The following NUDT16 variants were observed in gnomAD, a reference collection of about 807,000 sequenced individuals.
NUDT16 encodes U8 snoRNA-decapping enzyme.
In NUDT16, 12 loss-of-function variants were observed where a neutral mutation model predicts 11.7. The ratio of observed to expected loss-of-function variants is 1.03; its 90% CI spans 0.66 to 1.67. The LOEUF is 1.67. NUDT16 is among the 40% of genes most tolerant of loss of function. The pLI, the probability that NUDT16 is intolerant of heterozygous loss-of-function variation, is 0.00. For synonymous variants in NUDT16, 129 were observed against 122.6 expected, an observed-to-expected ratio of 1.05 and a Z score of -0.35; for missense variants, 303 against 268.9, an observed-to-expected ratio of 1.13 and a Z score of -0.89.
At position 131,384,333 on chromosome 3, in the gene NUDT16, G is replaced by C. The variant is rs757008213; in HGVS notation, c.*992G>C. On this transcript the variant is annotated 3_prime_UTR_variant, in exon 3 of 3. Coordinates refer to ENST00000521288, the MANE Select transcript of NUDT16 (RefSeq NM_152395.3). ...TGTCCATTGAATTCAGTAACATGAA[G>C]TGTTTGATGACTATGATGGCAGCAG... is the stretch of plus-strand genomic sequence containing the variant. The C allele has an allele frequency of 2.0e-5, 3 of 152,338 alleles. No individual in the cohort carries two copies. The highest frequency in any genetic ancestry group is 4.4e-5 in the Non-Finnish European group (3 of 68,140). The allele number at this position is 152,338 out of a possible 1,614,324, so 9.4% of individuals were successfully genotyped here. A position where few individuals can be genotyped will look rare whatever the true frequency, so the allele number is the denominator to read the frequency against.
rs570306395 is a variant in NUDT16 at position 131,387,352 on chromosome 3, C to A, written c.*4011C>A. ...GGTAGAGGTAGTCTACAGGGGCCAG[C>A]TGGGCAGAGATGAAATCTTGCAAAG... On this transcript the variant is annotated 3_prime_UTR_variant, in exon 3 of 3. Coordinates refer to ENST00000521288, the MANE Select transcript of NUDT16 (RefSeq NM_152395.3). 1 of 152,224 alleles carries A rather than the reference C, an allele frequency of 6.6e-6. No individual in the cohort carries two copies. The highest frequency in any genetic ancestry group is 2.4e-5 in the African/African-American group (1 of 41,430). 9.4% of individuals were successfully genotyped at this position (152,224 alleles called of 1,614,324 possible).
chr3:131,387,250 C>T lies in NUDT16; in HGVS notation c.*3909C>T. 6.6e-6 allele frequency: 1 copy of T among 152,474 alleles called. No homozygotes were observed. The highest frequency in any genetic ancestry group is 1.5e-5 in the Non-Finnish European group (1 of 68,180). The allele number at this position is 152,474 out of a possible 1,614,324, so 9.4% of individuals were successfully genotyped here. On this transcript the variant is annotated 3_prime_UTR_variant, in exon 3 of 3. Transcript: ENST00000521288. ...AAAGAGAAACCATGTGCCTTCTCCC[C>T]ACTTCCCTTCTGGCTTGGGCAAATG...
rs1232963147 is a variant in NUDT16 at position 131,383,205 on chromosome 3, G to C, written c.452G>C (p.Gly151Ala). The change falls in exon 3 of 3, where the codon GGT becomes GCT. Residue 151 changes from glycine (G) to alanine (A), a missense_variant. Transcript: ENST00000521288. This position sits in a 1 kb window ranked among gnomAD's most constrained non-coding sequence, Gnocchi z 4.4. ...GTGCCCCTGTATACCCTGCGGGATG[G>C]TGTAGGAGGCCTGCCTACCTTCCTG... ...VRVPLYTLRD[G>A]VGGLPTFLEN... 3 of 1,613,606 alleles carry C rather than the reference G, an allele frequency of 1.9e-6. No individual in the cohort carries two copies. The South Asian group carries it at 3.3e-5, about 18-fold the overall frequency.
chr3:131,383,599 C>A lies in NUDT16; in HGVS notation c.*258C>A. 1.5e-6 allele frequency: 1 copy of A among 649,958 alleles called. No individual in the cohort carries two copies. Among genetic ancestry groups the A allele is most frequent in the Non-Finnish European group, 2.6e-6 (1 of 382,426 alleles). 40.3% of individuals were successfully genotyped at this position (649,958 alleles called of 1,614,324 possible). ...CTCCTCCCTGTTTATATGCGTACAG[C>A]CTGGTAACCCCCAGGCATGCAAATA... On this transcript the variant is annotated 3_prime_UTR_variant, in exon 3 of 3. Transcript: ENST00000521288. The surrounding 1 kb of genome is among the most constrained non-coding windows in gnomAD (Gnocchi z 4.4).
chr3:131,382,332 AC>A lies in NUDT16; in HGVS notation c.408+18del, dbSNP rs1197982320. On this transcript the variant is annotated intron_variant, in intron 2 of 2. Coordinates refer to ENST00000521288, the MANE Select transcript of NUDT16 (RefSeq NM_152395.3). ...GGGCTGGAGGTGGGACCAGCCTGGG[AC>A]TCTGTCCCTTTCCCAATTTCCTCTT... 14 of 1,612,318 alleles carry A rather than the reference AC, an allele frequency of 8.7e-6. No individual in the cohort carries two copies. The highest frequency in any genetic ancestry group is 1.0e-5 in the Non-Finnish European group (12 of 1,179,952).
At chr3:131,382,781 A>T in intron 2 of NUDT16, 11 of 1,149,228 alleles carry the variant, frequency 9.6e-6, no homozygotes, top group Middle Eastern at 3.0e-4. Context: ...TTCTCTCAGC[A>T]TTCCTGCATT....
Position 131,381,817 on chromosome 3 carries a change from C to G in NUDT16, c.13C>G (p.Arg5Gly), listed in dbSNP as rs576393185. Reference sequence around the variant, plus strand: ...GCAGTGTCCGGCCATGGCCGGAGCCCGCAGGCTGGAGCTAGGCGAGGCCCT... The same window carrying G: ...GCAGTGTCCGGCCATGGCCGGAGCCGGCAGGCTGGAGCTAGGCGAGGCCCT... MAGA[R>G]RLELGEALAL... Residue 5 changes from arginine (R) to glycine (G), a missense_variant, in exon 1 of 3, where the codon CGC becomes GGC. Transcript: ENST00000521288. The G allele has an allele frequency of 3.2e-6, 5 of 1,565,990 alleles. No homozygotes were observed. Among genetic ancestry groups the G allele is most frequent in the Middle Eastern group, 2.3e-4 (1 of 4,436 alleles).
Position 131,387,362 on chromosome 3 carries a change from A to G in NUDT16, c.*4021A>G, listed in dbSNP as rs2097460540. The G allele has an allele frequency of 6.6e-6, 1 of 152,234 alleles. No homozygotes were observed. The highest frequency in any genetic ancestry group is 2.1e-4 in the South Asian group (1 of 4,832). The allele number at this position is 152,234 out of a possible 1,614,324, so 9.4% of individuals were successfully genotyped here. Reference sequence around the variant, plus strand: ...GTCTACAGGGGCCAGCTGGGCAGAGATGAAATCTTGCAAAGGAACCCTTCT... The same window carrying G: ...GTCTACAGGGGCCAGCTGGGCAGAGGTGAAATCTTGCAAAGGAACCCTTCT... On this transcript the variant is annotated 3_prime_UTR_variant, in exon 3 of 3. Transcript: ENST00000521288.
chr3:131,385,152 G>A lies in NUDT16; in HGVS notation c.*1811G>A, dbSNP rs1559773938. The A allele has an allele frequency of 6.6e-6, 1 of 152,266 alleles. No homozygotes were observed. Among genetic ancestry groups the A allele is most frequent in the Non-Finnish European group, 1.5e-5 (1 of 68,108 alleles). 9.4% of individuals were successfully genotyped at this position (152,266 alleles called of 1,614,324 possible). Reference sequence around the variant, plus strand: ...ATTGAAAACAGGAGGTGACTAGGGAGGGATTAGGAAATTAGAGGTCTTGAC... The same window carrying A: ...ATTGAAAACAGGAGGTGACTAGGGAAGGATTAGGAAATTAGAGGTCTTGAC... On this transcript the variant is annotated 3_prime_UTR_variant, in exon 3 of 3. Coordinates refer to ENST00000521288, the MANE Select transcript of NUDT16 (RefSeq NM_152395.3).
chr3:131,382,315 G>A lies in NUDT16; in HGVS notation c.408G>A (p.Glu136=). Reference sequence around the variant, plus strand: ...CACGCGCCAAGGACCACGGGCTGGAGGTGGGACCAGCCTGGGACTCTGTCC... The same window carrying A: ...CACGCGCCAAGGACCACGGGCTGGAAGTGGGACCAGCCTGGGACTCTGTCC... ...GATRAKDHGL[E]VLGLVRVPLY... is the part of the protein sequence containing the mutation. The change falls in exon 2 of 3, where the codon GAG becomes GAA. Residue 136 remains glutamate (E), a splice_region_variant and synonymous_variant. Transcript: ENST00000521288. 1 of 1,612,898 alleles carries A rather than the reference G, an allele frequency of 6.2e-7. No individual in the cohort carries two copies. Among genetic ancestry groups the A allele is most frequent in the Non-Finnish European group, 8.5e-7 (1 of 1,180,022 alleles).
chr3:131,388,293 T>C lies in NUDT16; in HGVS notation c.*4952T>C, dbSNP rs1296162591. On this transcript the variant is annotated 3_prime_UTR_variant, in exon 3 of 3. Coordinates refer to ENST00000521288, the MANE Select transcript of NUDT16 (RefSeq NM_152395.3). ...GAGATCAGACAATGAGAATCCAGAG[T>C]CTTGTTAAGTGATAGAAGGAAAATA... 1.3e-5 allele frequency: 2 copies of C among 151,808 alleles called. No homozygotes were observed. Among genetic ancestry groups the C allele is most frequent in the Non-Finnish European group, 2.9e-5 (2 of 67,968 alleles). The allele number at this position is 151,808 out of a possible 1,614,324, so 9.4% of individuals were successfully genotyped here. A position where few individuals can be genotyped will look rare whatever the true frequency, so the allele number is the denominator to read the frequency against.
In NUDT16 at chr3:131,386,425, C is replaced by T. The variant is rs1293506485; in HGVS notation, c.*3084C>T. The T allele has an allele frequency of 6.6e-6, 1 of 152,240 alleles. No homozygotes were observed. The highest frequency in any genetic ancestry group is 1.5e-5 in the Non-Finnish European group (1 of 68,066). 9.4% of individuals were successfully genotyped at this position (152,240 alleles called of 1,614,324 possible). A position where few individuals can be genotyped will look rare whatever the true frequency, so the allele number is the denominator to read the frequency against. The stretch of plus-strand genomic sequence containing the variant: ...AGAAATGCTCATTGCAATCTTTGAC[C>T]CCCACTAACTGCTGTGGTGACTTTG... On this transcript the variant is annotated 3_prime_UTR_variant, in exon 3 of 3. Transcript: ENST00000521288.
Position 131,382,067 on chromosome 3 carries a change from C to G in NUDT16, c.160C>G (p.Arg54Gly). 1.3e-6 allele frequency: 2 copies of G among 1,586,434 alleles called. No individual in the cohort carries two copies. The highest frequency in any genetic ancestry group is 1.7e-6 in the Non-Finnish European group (2 of 1,164,798). Residue 54 changes from arginine (R) to glycine (G), a missense_variant, in exon 2 of 3, where the codon CGC (arginine) becomes GGC (glycine). Coordinates refer to ENST00000521288, the MANE Select transcript of NUDT16 (RefSeq NM_152395.3). ...GCAGATGCAGATGCGCTTCGATGGA[C>G]GCCTGGGCTTCCCCGGCGGATTCGT... Reference protein sequence around the residue: ...AILMQMRFDGRLGFPGGFVDT... With the variant: ...AILMQMRFDGGLGFPGGFVDT...
chr3:131,382,505 A>G, intron 2 of NUDT16, 190 bp downstream of exon 2: 1 of 1,536,150 alleles, frequency 6.5e-7, no homozygotes, highest in Non-Finnish European at 8.7e-7. Context: ...GGCTTTCTGT[A>G]AAGGTCTTTC....
chr3:131,381,874 C>T lies in NUDT16; in HGVS notation c.70C>T (p.His24Tyr), dbSNP rs1284011850. 6.2e-7 allele frequency: 1 copy of T among 1,607,708 alleles called. No individual in the cohort carries two copies. The highest frequency in any genetic ancestry group is 8.5e-7 in the Non-Finnish European group (1 of 1,179,518). ...GGGGTCGGGCTGGCGTCATGCGTGC[C>T]ACGCTCTCCTCTACGCGCCGGACCC... is the stretch of plus-strand genomic sequence containing the variant. ...ALGSGWRHAC[H>Y]ALLYAPDPGM... The change falls in exon 1 of 3, where the codon CAC (histidine) becomes TAC (tyrosine). Residue 24 changes from histidine (H) to tyrosine (Y), a missense_variant. Physicochemically the swap from His to Tyr is moderately conservative, Grantham distance 83. Transcript: ENST00000521288.
In NUDT16 at chr3:131,381,849, G is replaced by T; in HGVS notation, c.45G>T (p.Leu15=). 9 of 1,598,008 alleles carry T rather than the reference G, an allele frequency of 5.6e-6. No homozygotes were observed. Among genetic ancestry groups the T allele is most frequent in the Non-Finnish European group, 7.6e-6 (9 of 1,177,022 alleles). Residue 15 remains leucine (L), a synonymous_variant, in exon 1 of 3, where the codon CTG becomes CTT. Transcript: ENST00000521288. The stretch of plus-strand genomic sequence containing the variant: ...TGGAGCTAGGCGAGGCCCTGGCGCT[G>T]GGGTCGGGCTGGCGTCATGCGTGCC... ...RRLELGEALA[L]GSGWRHACHA...
rs1402145779 is a variant in NUDT16, at chr3:131,382,341, C to T, written c.408+26C>T. ...GTGGGACCAGCCTGGGACTCTGTCC[C>T]TTTCCCAATTTCCTCTTCTCCCAAA... On this transcript the variant is annotated intron_variant, in intron 2 of 2. Coordinates refer to ENST00000521288, the MANE Select transcript of NUDT16 (RefSeq NM_152395.3). 3 of 1,612,060 alleles carry T rather than the reference C, an allele frequency of 1.9e-6. No individual in the cohort carries two copies. The African/African-American group carries it at 4.0e-5, about 22-fold the overall frequency.
In NUDT16 at chr3:131,382,135, G is replaced by A. The variant is rs2097455911; in HGVS notation, c.228G>A (p.Glu76=). ...GCCTAGAGGACGGGCTGAACCGCGA[G>A]CTGCGCGAGGAGCTGGGCGAAGCGG... ...DRSLEDGLNR[E]LREELGEAAA... The change falls in exon 2 of 3, where the codon GAG becomes GAA. Residue 76 remains glutamate, a synonymous_variant. Transcript: ENST00000521288. The A allele has an allele frequency of 6.2e-7, 1 of 1,611,452 alleles. No homozygotes were observed. The highest frequency in any genetic ancestry group is 8.5e-7 in the Non-Finnish European group (1 of 1,179,098).
rs762261401 is a variant in NUDT16, at chr3:131,382,269, T to G, written c.362T>G (p.Leu121Trp). ...AAGCGTCTGACGCTCGAGGAGCTGT[T>G]GGCTGTGGAGGCCGGCGCAACACGC... Reference protein sequence around the residue: ...YAKRLTLEELLAVEAGATRAK... With the variant: ...YAKRLTLEELWAVEAGATRAK... The change falls in exon 2 of 3, where the codon TTG (leucine) becomes TGG (tryptophan). Residue 121 changes from leucine to tryptophan, a missense_variant. Physicochemically the swap from Leu to Trp is moderately conservative, Grantham distance 61. Coordinates refer to ENST00000521288, the MANE Select transcript of NUDT16 (RefSeq NM_152395.3). 5.0e-6 allele frequency: 8 copies of G among 1,612,948 alleles called. No homozygotes were observed. Among genetic ancestry groups the G allele is most frequent in the Middle Eastern group, 1.7e-4 (1 of 6,032 alleles).
Sources: gnomAD v4.1 joint callset for allele counts on GRCh38, gnomAD v4.1.1 for gene constraint, Gnocchi (gnomAD v3.1) non-coding constraint, MANE v1.5 for transcripts, NCBI Gene and HGNC (gene_info 2026-07-23, HGNC 2026-07-21) for gene names.